THSD4: variants seen among roughly 807,000 people sequenced by gnomAD.
THSD4 encodes thrombospondin type 1 domain containing 4.
In THSD4, 69 loss-of-function variants were observed where a neutral mutation model predicts 119.0. That is an observed-to-expected ratio of 0.58 (90% CI 0.48 to 0.71). The LOEUF is 0.71. Among genes scored for constraint, THSD4 ranks in the 30% least tolerant of loss-of-function variants. The pLI, the probability that THSD4 is intolerant of heterozygous loss-of-function variation, is 0.00. For missense variants in THSD4, 1,393 were observed against 1,391.1 expected (o/e 1.00, Z -0.02); for synonymous variants, 524 against 540.4 (o/e 0.97, Z 0.42).
intron 17 of THSD4, among the ~76,000 whole-genome samples, chr15:71,772,562 G>A (rs926404156): frequency 2.6e-5 from 4 of 152,174 alleles, no homozygotes; most frequent in Admixed American, 6.5e-5. Context: ...AAGGGGAGCC[G>A]TATGTGCCAT....
chr15:71,284,990 G>A (rs1426686113), intron 6 of THSD4, among the ~76,000 whole-genome samples: 1 of 152,094 alleles, frequency 6.6e-6, no homozygotes, highest in Admixed American at 6.5e-5. Context: ...ACCACTGTCT[G>A]CATTGACTCG....
At position 71,242,891 on chromosome 15, in the gene THSD4, A is replaced by G. The variant is rs1034063554; in HGVS notation, c.707A>G (p.Gln236Arg). ...QSDSGPRSGL[Q>R]AAEAPIYQLP... ...GACAGTGGCCCTCGCTCTGGACTGC[A>G]GGCTGCGGAGGCCCCCATCTACCAG... The change falls in exon 5 of 18, where the codon CAG becomes CGG. Residue 236 changes from glutamine to arginine, a missense_variant. Gln to Arg is a conservative substitution (Grantham distance 43, BLOSUM62 1). Coordinates refer to ENST00000261862, the MANE Select transcript of THSD4 (RefSeq NM_024817.3). 1.9e-6 allele frequency: 3 copies of G among 1,614,080 alleles called. No individual in the cohort carries two copies. The highest frequency in any genetic ancestry group is 2.5e-6 in the Non-Finnish European group (3 of 1,180,040).
chr15:71,583,662 G>A (rs903144767), intron 7 of THSD4, among the ~76,000 whole-genome samples: 2 of 151,860 alleles, frequency 1.3e-5, no homozygotes, highest in African/African-American at 4.8e-5. Context: ...TTCCTTGATG[G>A]TTGTTCAAGA....
chr15:71,248,680 C>T (rs1310101896), intron 5 of THSD4, among the ~76,000 whole-genome samples: 1 of 152,100 alleles, frequency 6.6e-6, no homozygotes, highest in Non-Finnish European at 1.5e-5. Flanking sequence ...ATGGATTTAT[C>T]CATATGGAGT....
chr15:71,312,920 T>G (rs968478462), intron 6 of THSD4, among the ~76,000 whole-genome samples: 1 of 152,116 alleles, frequency 6.6e-6, no homozygotes, highest in Non-Finnish European at 1.5e-5. Context: ...TCTGAAACTT[T>G]TGGAGTTGGT....
intron 8 of THSD4, among the ~76,000 whole-genome samples, chr15:71,724,218 A>C (rs1339212959): frequency 6.9e-6 from 1 of 144,308 alleles, no homozygotes; most frequent in Non-Finnish European, 1.5e-5. Flanking sequence ...ACAGTGATGC[A>C]AGATAAGGCT....
At chr15:71,130,344 C>G (rs377217303) in intron 1 of THSD4, among the ~76,000 whole-genome samples, 3 of 152,150 alleles carry the variant, frequency 2.0e-5, no homozygotes, top group Middle Eastern at 3.2e-3. Flanking sequence ...TGCCACCACA[C>G]CCAGCTATTT....
chr15:71,498,033 C>T (rs534667932), intron 7 of THSD4, among the ~76,000 whole-genome samples: 13 of 152,210 alleles, frequency 8.5e-5, no homozygotes, highest in East Asian at 1.9e-4. Flanking sequence ...ATGATTTAGG[C>T]GCTTATCCTA....
chr15:71,159,240 A>G (rs1189029207), intron 3 of THSD4, among the ~76,000 whole-genome samples: 1 of 152,152 alleles, frequency 6.6e-6, no homozygotes, highest in African/African-American at 2.4e-5. Flanking sequence ...TTTTGAAGTC[A>G]GGTTGTGTGA....
chr15:71,769,948 A>G (rs2053788496), intron 16 of THSD4, among the ~76,000 whole-genome samples: 1 of 83,728 alleles, frequency 1.2e-5, no homozygotes, highest in Non-Finnish European at 2.3e-5. Flanking sequence ...AAAAAAAAAA[A>G]AGAATGGACT....
chr15:71,700,882 A>G (rs2052274560), intron 8 of THSD4, among the ~76,000 whole-genome samples: 2 of 152,118 alleles, frequency 1.3e-5, no homozygotes, highest in South Asian at 2.1e-4. Flanking sequence ...ACCAAGATAA[A>G]AACTATAAAT....
In THSD4 at chr15:71,644,425, C is replaced by T. The variant is rs533180274; in HGVS notation, c.1153-16105C>T. On this transcript the variant is annotated intron_variant, in intron 7 of 17. Coordinates refer to ENST00000261862, the MANE Select transcript of THSD4 (RefSeq NM_024817.3). The stretch of plus-strand genomic sequence containing the variant: ...AAATTCATTTTATTTTTATTCCTAT[C>T]CACTTCAGTTTGTATAAAATACAGA... Among the ~76,000 whole-genome samples, 10 of 152,206 alleles carry T rather than the reference C, an allele frequency of 6.6e-5. No individual in the cohort carries two copies. In the East Asian group the frequency reaches 1.9e-3, roughly 29 times the overall value.
chr15:71,774,093 A>G (rs1159272642), intron 17 of THSD4, among the ~76,000 whole-genome samples: 1 of 152,158 alleles, frequency 6.6e-6, no homozygotes, highest in Non-Finnish European at 1.5e-5. Flanking sequence ...CCGGTGGATC[A>G]CTTGGGCCAG....
In THSD4 at chr15:71,168,913, G is replaced by T. The variant is rs200197149; in HGVS notation, c.99+13981G>T. Among the ~76,000 whole-genome samples the T allele has an allele frequency of 2.8e-4, 42 of 152,270 alleles. No individual in the cohort carries two copies. The East Asian group carries it at 7.9e-3, about 29-fold the overall frequency. ...GCTTCGTAATTTGATGTAGGCAAAG[G>T]TTTCTTAAACAAGACACAAAAATCA... On this transcript the variant is annotated intron_variant, in intron 3 of 17. Transcript: ENST00000261862.
chr15:71,104,038 T>C (rs559079172), intron 1 of THSD4, among the ~76,000 whole-genome samples: 32 of 152,340 alleles, frequency 2.1e-4, no homozygotes, highest in African/African-American at 7.7e-4. Flanking sequence ...AACTCTCAGA[T>C]AGCTCCTCCA....
At chr15:71,101,596 G>C (rs779025937) in intron 1 of THSD4, among the ~76,000 whole-genome samples, 1 of 152,078 alleles carries the variant, frequency 6.6e-6, no homozygotes, top group African/African-American at 2.4e-5. Flanking sequence ...ATTTCTTATG[G>C]AACAAGTCTG....
At chr15:71,755,631 A>G (rs1391666414) in intron 14 of THSD4, among the ~76,000 whole-genome samples, 6 of 151,022 alleles carry the variant, frequency 4.0e-5, no homozygotes, top group African/African-American at 1.2e-4. Context: ...TTACTCATGA[A>G]TAAGACACTG....
At chr15:71,365,131 T>TTTTG (rs147188266) in intron 6 of THSD4, among the ~76,000 whole-genome samples, 3 of 135,824 alleles carry the variant, frequency 2.2e-5, no homozygotes, top group African/African-American at 8.1e-5. Flanking sequence ...GCCCCCCCCA[T>TTTTG]TGTGTGTGTG....
At chr15:71,771,308 A>C (rs1268907085) in intron 17 of THSD4, 100 bp downstream of exon 17, 2 of 1,440,346 alleles carry the variant, frequency 1.4e-6, no homozygotes, top group African/African-American at 1.4e-5. Context: ...TCTTTCTGTG[A>C]CCTTGCACAC....
Sources: allele counts gnomAD v4.1 joint callset (sites outside exome capture counted in the v4.1 genomes callset), GRCh38; gene constraint gnomAD v4.1.1; transcripts MANE v1.5; gene names NCBI Gene and HGNC (gene_info 2026-07-23, HGNC 2026-07-21).